The following C5orf58 variants were observed in gnomAD, a reference collection of about 807,000 sequenced individuals.
C5orf58 encodes putative uncharacterized protein C5orf58.
A neutral mutation model predicts 2.9 loss-of-function variants in C5orf58; 2 were observed. The observed-to-expected ratio is 0.69, with a 90% CI of 0.28 to 2.18. C5orf58 has a LOEUF of 2.18. Among genes scored for constraint, C5orf58 ranks in the 30% most tolerant of loss-of-function variants. The pLI is 0.13. For missense variants in C5orf58, 96 were observed against 91.7 expected (o/e 1.05, Z -0.19); for synonymous variants, 37 against 33.4 (o/e 1.11, Z -0.37).
At chr5:170,249,061 C>T (rs1761365626), downstream of C5orf58, among the ~76,000 whole-genome samples, 1 of 152,128 alleles carries the variant, frequency 6.6e-6, no homozygotes, top group Non-Finnish European at 1.5e-5. Flanking sequence ...GTAATTCACC[C>T]CTGTAATCCC....
Position 170,246,064 on chromosome 5 carries a change from A to T in C5orf58, c.197A>T (p.Glu66Val), listed in dbSNP as rs979492394. The T allele has an allele frequency of 6.2e-7, 1 of 1,613,578 alleles. No homozygotes were observed. The highest frequency in any genetic ancestry group is 1.3e-5 in the African/African-American group (1 of 75,020). The change falls in exon 4 of 4, where the codon GAG (glutamate) becomes GTG (valine). Residue 66 changes from glutamate to valine, a missense_variant. Glu to Val is a moderately radical substitution (Grantham distance 121). Transcript: ENST00000593851. The stretch of plus-strand genomic sequence containing the variant: ...GAAAGAAACAACCCCCTCTTTGAAG[A>T]GTCTAAAATATCAGATGTATCCCTT... The part of the protein sequence containing the change: ...EAERNNPLFE[E>V]SKISDVSLVS...
intron 3 of C5orf58, chr5:170,237,193 C>T (rs553318865): frequency 4.5e-5 from 18 of 397,830 alleles, no homozygotes; most frequent in South Asian, 2.5e-4. Context: ...TGTAGAGCTA[C>T]GCTAGGAAGG....
chr5:170,234,942 T>C (rs1438629535), intron 2 of C5orf58, 35 bp from the exon 3 acceptor site: 1 of 976,760 alleles, frequency 1.0e-6, no homozygotes, highest in Non-Finnish European at 1.6e-6. Context: ...TAAATACTGA[T>C]TTATACATTG....
chr5:170,237,049 T>C (rs1760771977), intron 3 of C5orf58, among the ~76,000 whole-genome samples: 1 of 152,108 alleles, frequency 6.6e-6, no homozygotes, highest in Non-Finnish European at 1.5e-5. Context: ...AGCTTTAGAT[T>C]CCCCCCAAAC....
At chr5:170,233,963 AC>A (rs1158022940) in intron 1 of C5orf58, 151 bp from the exon 2 acceptor site, 2 of 385,252 alleles carry the variant, frequency 5.2e-6, no homozygotes, top group Non-Finnish European at 1.0e-5. Context: ...TAATTCCACC[AC>A]TCCACCCCTT....
intron 3 of C5orf58, among the ~76,000 whole-genome samples, chr5:170,244,343 A>G (rs1761155447): frequency 6.6e-6 from 1 of 150,942 alleles, no homozygotes; most frequent in South Asian, 2.1e-4. Flanking sequence ...TAGATTGGGG[A>G]AGTTCTCCTG....
intron 3 of C5orf58, among the ~76,000 whole-genome samples, chr5:170,244,888 GT>G (rs1324194522): frequency 1.3e-5 from 2 of 151,904 alleles, no homozygotes; most frequent in Non-Finnish European, 1.5e-5. Flanking sequence ...TTTCTGTTCT[GT>G]TTTTTCCCCA....
intron 3 of C5orf58, among the ~76,000 whole-genome samples, chr5:170,244,328 C>T (rs1214332528): frequency 6.6e-6 from 1 of 151,086 alleles, no homozygotes; most frequent in African/African-American, 2.4e-5. Context: ...ATTGGCCTGC[C>T]TTGCTAGATT....
At chr5:170,241,272 T>G (rs966143197) in intron 3 of C5orf58, among the ~76,000 whole-genome samples, 10 of 152,114 alleles carry the variant, frequency 6.6e-5, no homozygotes, top group Non-Finnish European at 1.5e-4. Flanking sequence ...CTTTTTTTGG[T>G]TCCATATGAA....
rs1761269900 is a variant in C5orf58, at chr5:170,246,035, A to G, written c.168A>G (p.Glu56=). ...CCATCAAGACTGAGAACTTAGCAGA[A>G]GCAGAAAGAAACAACCCCCTCTTTG... ...NHPIKTENLA[E]AERNNPLFEE... Residue 56 remains glutamate (E), a synonymous_variant, in exon 4 of 4, where the codon GAA becomes GAG. Transcript: ENST00000593851. 1 of 1,613,768 alleles carries G rather than the reference A, an allele frequency of 6.2e-7. No individual in the cohort carries two copies. The highest frequency in any genetic ancestry group is 8.5e-7 in the Non-Finnish European group (1 of 1,179,708).
At chr5:170,240,570 C>T (rs1760955595) in intron 3 of C5orf58, among the ~76,000 whole-genome samples, 1 of 151,856 alleles carries the variant, frequency 6.6e-6, no homozygotes. Context: ...GCATAAATGT[C>T]TTCTTTTGAG....
chr5:170,248,763 G>A (rs1207764970), downstream of C5orf58: 6 of 1,610,836 alleles, frequency 3.7e-6, no homozygotes, highest in South Asian at 1.1e-5. Flanking sequence ...TCCCATCAAT[G>A]AGCAGAAGTG....
In C5orf58 at chr5:170,242,402, T is replaced by G. The variant is rs1287698927; in HGVS notation, c.95-3560T>G. Among the ~76,000 whole-genome samples, 5 of 120,448 alleles carry G rather than the reference T, an allele frequency of 4.2e-5. No homozygotes were observed. The South Asian group carries it at 1.6e-3, about 39-fold the overall frequency. The allele number at this position is 120,448 out of a possible 152,430, so 79.0% of individuals were successfully genotyped here. On this transcript the variant is annotated intron_variant, in intron 3 of 3. Coordinates refer to ENST00000593851, the MANE Select transcript of C5orf58 (RefSeq NM_001102609.3). The stretch of plus-strand genomic sequence containing the variant: ...GGTAGAATTCGGCTGTGAATCCATC[T>G]GGTCCTGGACTCTTTTTGGTTGGTA...
chr5:170,248,597 G>T (rs950443175), downstream of C5orf58: 4 of 1,289,066 alleles, frequency 3.1e-6, no homozygotes, highest in Middle Eastern at 1.9e-4. Context: ...ATGGGGAGGG[G>T]TTCAGTTCAG....
chr5:170,243,664 A>G (rs1285912667), intron 3 of C5orf58, among the ~76,000 whole-genome samples: 1 of 148,966 alleles, frequency 6.7e-6, no homozygotes, highest in Non-Finnish European at 1.5e-5. Flanking sequence ...TTTTGAGCCT[A>G]TGTGTGTCTC....
intron 3 of C5orf58, 64 bp downstream of exon 3, chr5:170,235,134 T>G (rs1376281462): frequency 1.6e-5 from 14 of 860,480 alleles, no homozygotes; most frequent in Non-Finnish European, 2.4e-5. Flanking sequence ...AGAGCCAGTT[T>G]GTGTTTCTGC....
chr5:170,242,851 T>C (rs1232785781), intron 3 of C5orf58, among the ~76,000 whole-genome samples: 3 of 151,288 alleles, frequency 2.0e-5, no homozygotes, highest in African/African-American at 7.3e-5. Context: ...GCTTTTCTAG[T>C]TCTTTTAATT....
In C5orf58 at chr5:170,245,482, G is replaced by A. The variant is rs562275501; in HGVS notation, c.95-480G>A. ...GCGGGATATAATCTCGTGGTGCGCC[G>A]TTTTTTAAGCCGGTCTGAAAAGCGC... On this transcript the variant is annotated intron_variant, in intron 3 of 3. Transcript: ENST00000593851. 1.1e-4 allele frequency among the ~76,000 whole-genome samples: 17 copies of A among 152,308 alleles called. 1 individual carries two copies. Among genetic ancestry groups the A allele is most frequent in the South Asian group, 1.0e-3 (5 of 4,830 alleles).
chr5:170,237,237 C>A, intron 3 of C5orf58: 1 of 398,338 alleles, frequency 2.5e-6, no homozygotes, highest in Middle Eastern at 6.3e-4. Flanking sequence ...ATTAAATGAA[C>A]ACTCTGTGCA....
Sources: gnomAD v4.1 joint callset for allele counts (sites outside exome capture counted in the v4.1 genomes callset) on GRCh38, gnomAD v4.1.1 for gene constraint, MANE v1.5 for transcripts, NCBI Gene and HGNC (gene_info 2026-07-23, HGNC 2026-07-21) for gene names.